Variants in PLCE1 observed in about 807,000 individuals in gnomAD.
PLCE1 encodes 1-phosphatidylinositol 4,5-bisphosphate phosphodiesterase epsilon-1.
PLCE1 carries 119 observed loss-of-function variants against 242.8 expected under a neutral mutation model. The ratio of observed to expected loss-of-function variants is 0.49; its 90% CI spans 0.42 to 0.57. The LOEUF (loss-of-function observed/expected upper bound fraction) is 0.57, where lower values mean the gene tolerates loss of function less well. PLCE1 is among the 20% of genes least tolerant of loss of function. The pLI, the probability that PLCE1 is intolerant of heterozygous loss-of-function variation, is 0.00. For missense variants in PLCE1, 2,441 were observed against 2,788.8 expected (o/e 0.88, Z 2.81); for synonymous variants, 945 against 1,017.4 (o/e 0.93, Z 1.35).
chr10:94,269,590 T>A (rs981772696), intron 17 of PLCE1, among the ~76,000 whole-genome samples: 1 of 152,222 alleles, frequency 6.6e-6, no homozygotes, highest in African/African-American at 2.4e-5. Flanking sequence ...TAGTAACCAT[T>A]ACCTTACATT....
intron 2 of PLCE1, chr10:94,104,540 A>T (rs1338672891): frequency 6.6e-6 from 1 of 152,222 alleles, no homozygotes; most frequent in Non-Finnish European, 1.5e-5. Context: ...ATTTTGTGAG[A>T]GTGATTTGTT....
chr10:94,040,587 T>A (rs556709071), intron 2 of PLCE1, among the ~76,000 whole-genome samples: 1 of 152,278 alleles, frequency 6.6e-6, no homozygotes, highest in East Asian at 1.9e-4. Flanking sequence ...TCTCTCAGGG[T>A]CTCAGAAGTG....
chr10:94,255,981 G>A (rs1445896449), intron 11 of PLCE1, among the ~76,000 whole-genome samples: 7 of 33,732 alleles, frequency 2.1e-4, no homozygotes, highest in Admixed American at 3.7e-4. Flanking sequence ...CTCTCCCCAC[G>A]CCCCTCTCTC....
rs532167723 is a variant in PLCE1, at chr10:94,265,697, A to T, written c.4104A>T (p.Glu1368Asp). The T allele has an allele frequency of 3.1e-6, 5 of 1,613,854 alleles. No individual in the cohort carries two copies. In the South Asian group the frequency reaches 5.5e-5, roughly 18 times the overall value. ...SMCHQGLMSF[E>D]GFARFLMDKE... The stretch of plus-strand genomic sequence containing the variant: ...GTCATCAGGGACTAATGTCATTTGA[A>T]GGGTTTGCCAGGTAACTTTTAAAAT... Residue 1368 changes from glutamate to aspartate, a missense_variant, in exon 15 of 33, where the codon GAA (glutamate) becomes GAT (aspartate). This residue lies in a region of PLCE1 where 1,004 missense variants were observed against 1,322.7 expected (regional missense o/e 0.76). Coordinates refer to ENST00000371380, the MANE Select transcript of PLCE1 (RefSeq NM_016341.4).
intron 3 of PLCE1, among the ~76,000 whole-genome samples, chr10:94,147,454 G>A (rs11498519): frequency 1.7e-5 from 2 of 119,120 alleles, no homozygotes; most frequent in South Asian, 7.2e-4. Flanking sequence ...GAGAGAGAGA[G>A]AGAAAGAGAG....
At chr10:94,168,959 G>A (rs1294510668) in intron 3 of PLCE1, among the ~76,000 whole-genome samples, 1 of 152,156 alleles carries the variant, frequency 6.6e-6, no homozygotes, top group East Asian at 1.9e-4. Flanking sequence ...AAAGCTGGAG[G>A]GGGAGGCCAT....
chr10:94,089,484 C>A lies in PLCE1; in HGVS notation c.1207-42690C>A, dbSNP rs1354002591. 2.4e-4 allele frequency: 174 copies of A among 719,266 alleles called. 1 individual carries two copies. Among genetic ancestry groups the A allele is most frequent in the Non-Finnish European group, 5.3e-5 (25 of 472,262 alleles). 44.6% of individuals were successfully genotyped at this position (719,266 alleles called of 1,614,324 possible). Reference sequence around the variant, plus strand: ...GTGCAGTGTTAGCCAAAATACAATTCCTCTGAGACATTTTACAAAGAAGAT... The same window carrying A: ...GTGCAGTGTTAGCCAAAATACAATTACTCTGAGACATTTTACAAAGAAGAT... On this transcript the variant is annotated intron_variant, in intron 2 of 32. Transcript: ENST00000371380.
chr10:94,182,761 C>T (rs899979724), intron 4 of PLCE1, among the ~76,000 whole-genome samples: 5 of 152,154 alleles, frequency 3.3e-5, no homozygotes, highest in Non-Finnish European at 5.9e-5. Flanking sequence ...TTAAAGCTCA[C>T]ATTGTGTCTC....
intron 4 of PLCE1, among the ~76,000 whole-genome samples, chr10:94,188,252 T>C (rs1225469122): frequency 3.3e-5 from 5 of 152,248 alleles, no homozygotes; most frequent in African/African-American, 1.2e-4. Flanking sequence ...AAAAAACCTG[T>C]ATATTTATAG....
chr10:94,137,413 G>GA (rs1374254943), intron 3 of PLCE1, among the ~76,000 whole-genome samples: 1 of 152,064 alleles, frequency 6.6e-6, no homozygotes, highest in African/African-American at 2.4e-5. Flanking sequence ...AAAAGGGAGA[G>GA]AAAAAATTGA....
At chr10:94,319,981 T>C (rs576805707) in intron 29 of PLCE1, among the ~76,000 whole-genome samples, 3 of 149,770 alleles carry the variant, frequency 2.0e-5, no homozygotes, top group Non-Finnish European at 4.4e-5. Flanking sequence ...ACCACTCTCC[T>C]GCCTCAGCCT....
intron 3 of PLCE1, among the ~76,000 whole-genome samples, chr10:94,141,525 CTAA>C (rs1364507729): frequency 9.3e-4 from 30 of 32,316 alleles, no homozygotes; most frequent in Non-Finnish European, 1.7e-3. Flanking sequence ...GAAGGGAAGG[CTAA>C]GGGAAGGTGA....
At chr10:94,125,822 C>T (rs1283210793) in intron 2 of PLCE1, among the ~76,000 whole-genome samples, 1 of 152,086 alleles carries the variant, frequency 6.6e-6, no homozygotes, top group East Asian at 1.9e-4. Flanking sequence ...AAAATTGACC[C>T]CACTTGACAA....
At chr10:94,066,555 T>C (rs759221765) in intron 2 of PLCE1, among the ~76,000 whole-genome samples, 1 of 152,084 alleles carries the variant, frequency 6.6e-6, no homozygotes, top group Non-Finnish European at 1.5e-5. Flanking sequence ...CACAGTGAAG[T>C]GGCCATGCCC....
intron 3 of PLCE1, among the ~76,000 whole-genome samples, chr10:94,153,890 G>A (rs181883637): frequency 6.6e-6 from 1 of 152,178 alleles, no homozygotes; most frequent in Non-Finnish European, 1.5e-5. Context: ...TAAACGAATG[G>A]AAAGACATCC....
At chr10:94,033,714 G>C (rs2061608191) in intron 2 of PLCE1, among the ~76,000 whole-genome samples, 2 of 152,046 alleles carry the variant, frequency 1.3e-5, no homozygotes, top group Non-Finnish European at 2.9e-5. Flanking sequence ...TGAGGACAGT[G>C]CCATGTGCCA....
At chr10:94,321,452 C>T (rs977334484) in intron 29 of PLCE1, among the ~76,000 whole-genome samples, 3 of 151,966 alleles carry the variant, frequency 2.0e-5, no homozygotes, top group Non-Finnish European at 4.4e-5. Context: ...GCCAGCATGG[C>T]GAAACCCTGT....
At chr10:94,297,505 C>A (rs1183814595) in intron 23 of PLCE1, among the ~76,000 whole-genome samples, 3 of 141,660 alleles carry the variant, frequency 2.1e-5, no homozygotes, top group African/African-American at 7.8e-5. Flanking sequence ...AAATGTGACA[C>A]AGAGACACAA....
chr10:94,067,769 C>T (rs2044239292), intron 2 of PLCE1, among the ~76,000 whole-genome samples: 1 of 152,220 alleles, frequency 6.6e-6, no homozygotes, highest in South Asian at 2.1e-4. Context: ...AAAAGAAATA[C>T]TCCTTCTTCC....
Sources: gnomAD v4.1 joint callset for allele counts (sites outside exome capture counted in the v4.1 genomes callset) on GRCh38, gnomAD v4.1.1 for gene constraint, gnomAD v4.1.1 regional missense constraint, MANE v1.5 for transcripts, NCBI Gene and HGNC (gene_info 2026-07-23, HGNC 2026-07-21) for gene names.